CDK5RAP2: variants seen among roughly 807,000 people sequenced by gnomAD.
CDK5RAP2 encodes the protein CDK5 regulatory subunit-associated protein 2.
In CDK5RAP2, 147 loss-of-function variants were observed where a neutral mutation model predicts 232.9. The ratio of observed to expected loss-of-function variants is 0.63; its 90% confidence interval spans 0.55 to 0.72. The LOEUF is 0.72. Among genes scored for constraint, CDK5RAP2 ranks in the 30% least tolerant of loss-of-function variants. The pLI, the probability that CDK5RAP2 is intolerant of heterozygous loss-of-function variation, is 0.00. For synonymous variants in CDK5RAP2, 833 were observed against 833.7 expected (o/e 1.00, Z 0.01); for missense variants, 2,195 against 2,231.5 (o/e 0.98, Z 0.33).
intron 12 of CDK5RAP2, among the ~76,000 whole-genome samples, chr9:120,516,351 C>T (rs1215106499): frequency 8.1e-6 from 1 of 123,556 alleles, no homozygotes; most frequent in Non-Finnish European, 1.6e-5. Flanking sequence ...GAACATCACA[C>T]TCCGGGGACT....
At chr9:120,397,960 T>C (rs1033512368) in intron 35 of CDK5RAP2, among the ~76,000 whole-genome samples, 4 of 152,146 alleles carry the variant, frequency 2.6e-5, no homozygotes, top group African/African-American at 4.8e-5. Context: ...TAGGGTTCTC[T>C]CCCTCTTTCC....
chr9:120,435,454 A>G (rs1397141667), intron 25 of CDK5RAP2, among the ~76,000 whole-genome samples: 3 of 145,856 alleles, frequency 2.1e-5, no homozygotes, highest in African/African-American at 7.7e-5. Flanking sequence ...TTTTTTTAAA[A>G]AATAAATTAC....
intron 26 of CDK5RAP2, among the ~76,000 whole-genome samples, chr9:120,420,611 GA>G (rs2034509879): frequency 6.6e-6 from 1 of 151,956 alleles, no homozygotes; most frequent in Non-Finnish European, 1.5e-5. Flanking sequence ...AAAATGCTGT[GA>G]AAAGCCCACA....
chr9:120,451,299 T>C (rs188615977), intron 21 of CDK5RAP2, among the ~76,000 whole-genome samples: 18 of 152,318 alleles, frequency 1.2e-4, no homozygotes, highest in African/African-American at 3.6e-4. Flanking sequence ...GCTCCTACCA[T>C]GTACAAGGTA....
chr9:120,437,608 C>CAATTTTTA (rs1564214380), intron 24 of CDK5RAP2, 81 bp from the exon 25 acceptor site: 1 of 1,026,758 alleles, frequency 9.7e-7, no homozygotes, highest in Non-Finnish European at 1.5e-6. Context: ...GGAAAAATGA[C>CAATTTTTA]AGAGTACAAT....
At chr9:120,458,663 G>C (rs768836212) in intron 19 of CDK5RAP2, 41 bp from the exon 20 acceptor site, 1 of 1,580,394 alleles carries the variant, frequency 6.3e-7, no homozygotes, top group East Asian at 2.2e-5. Flanking sequence ...GAATAAGGAG[G>C]AAGGGAATGG....
At position 120,496,784 on chromosome 9, in the gene CDK5RAP2, T is replaced by TG. The variant is rs1172574172; in HGVS notation, c.1312-5308dup. Among the ~76,000 whole-genome samples the TG allele has an allele frequency of 3.2e-3, 157 of 48,334 alleles. 1 individual carries two copies. Among genetic ancestry groups the TG allele is most frequent in the Admixed American group, 5.3e-3 (23 of 4,366 alleles). The allele number at this position is 48,334 out of a possible 152,430, so 31.7% of individuals were successfully genotyped here. On this transcript the variant is annotated intron_variant, in intron 12 of 37. Coordinates refer to ENST00000349780, the MANE Select transcript of CDK5RAP2 (RefSeq NM_018249.6). ...CCAGCCGCCCCGTCCAGGAGGGAGG[T>TG]GGGGGGGGTCAGCCCCCCTGCCCGG...
At position 120,467,791 on chromosome 9, in the gene CDK5RAP2, G is replaced by GT; in HGVS notation, c.2106+68dup. The GT allele has an allele frequency of 2.6e-6, 4 of 1,550,242 alleles. No individual in the cohort carries two copies. In the South Asian group the frequency reaches 4.4e-5, roughly 17 times the overall value. ...CTCCCAAAGTGCTGGGATTACAGGCGTGAGCCACCATACCAAGCCGGTTGT... is the reference window on the plus strand; with the variant it reads ...CTCCCAAAGTGCTGGGATTACAGGCGTTGAGCCACCATACCAAGCCGGTTGT... On this transcript the variant is annotated intron_variant, in intron 18 of 37. Transcript: ENST00000349780.
rs2036904980 is a variant in CDK5RAP2 at position 120,458,443 on chromosome 9, T to C, written c.2375+7A>G. Reference sequence around the variant, plus strand: ...GAAACAAAGGAATGCCTGGGCCCCATGTATACCTGGATTCCAGTAATAATG... The same window carrying C: ...GAAACAAAGGAATGCCTGGGCCCCACGTATACCTGGATTCCAGTAATAATG... On this transcript the variant is annotated splice_region_variant and intron_variant, in intron 20 of 37. Transcript: ENST00000349780. 1.9e-6 allele frequency: 3 copies of C among 1,613,906 alleles called. No individual in the cohort carries two copies. Among genetic ancestry groups the C allele is most frequent in the Non-Finnish European group, 2.5e-6 (3 of 1,179,798 alleles).
chr9:120,443,572 G>A (rs1327471719), intron 23 of CDK5RAP2, 48 bp downstream of exon 23: 1 of 1,603,332 alleles, frequency 6.2e-7, no homozygotes, highest in Non-Finnish European at 8.5e-7. Context: ...TCCAAATGGT[G>A]CCTGGCACAT....
chr9:120,404,027 G>A lies in CDK5RAP2; in HGVS notation c.5041+9C>T, dbSNP rs775268672. ...TGCTCCCACAGTTACCTGGACTTCAGCTTTGTACCTGATTTTGGTGTCACT... is the reference window on the plus strand; with the variant it reads ...TGCTCCCACAGTTACCTGGACTTCAACTTTGTACCTGATTTTGGTGTCACT... On this transcript the variant is annotated intron_variant, in intron 33 of 37. Coordinates refer to ENST00000349780, the MANE Select transcript of CDK5RAP2 (RefSeq NM_018249.6). 6.3e-7 allele frequency: 1 copy of A among 1,594,438 alleles called. No homozygotes were observed. The highest frequency in any genetic ancestry group is 2.2e-5 in the East Asian group (1 of 44,792).
At chr9:120,462,042 T>C (rs1245983473) in intron 18 of CDK5RAP2, among the ~76,000 whole-genome samples, 2 of 152,192 alleles carry the variant, frequency 1.3e-5, no homozygotes, top group Admixed American at 1.3e-4. Context: ...AACAACCTTG[T>C]TGTGGAAGAA....
Position 120,502,659 on chromosome 9 carries a change from C to T in CDK5RAP2, c.1312-11182G>A, listed in dbSNP as rs561420373. Among the ~76,000 whole-genome samples, 5 of 152,274 alleles carry T rather than the reference C, an allele frequency of 3.3e-5. No homozygotes were observed. In the South Asian group the frequency reaches 1.0e-3, roughly 32 times the overall value. ...ACAAAGGACATGTAGTTTTGTCATT[C>T]CCCAAGATTTGTAGTTTTGTCATTC... is the stretch of plus-strand genomic sequence containing the variant. On this transcript the variant is annotated intron_variant, in intron 12 of 37. Transcript: ENST00000349780.
intron 3 of CDK5RAP2, among the ~76,000 whole-genome samples, chr9:120,554,591 T>C (rs2042156335): frequency 6.6e-6 from 1 of 152,172 alleles, no homozygotes; most frequent in South Asian, 2.1e-4. Flanking sequence ...GAGAAGAAAA[T>C]AAATGAATTT....
rs776670891 is a variant in CDK5RAP2 at position 120,458,558 on chromosome 9, A to G, written c.2267T>C (p.Ile756Thr). The G allele has an allele frequency of 1.9e-6, 3 of 1,614,154 alleles. No individual in the cohort carries two copies. Among genetic ancestry groups the G allele is most frequent in the Non-Finnish European group, 2.5e-6 (3 of 1,180,016 alleles). ...NGYLRHTESKISDCDGAHAPG... is the reference protein window; with the variant it reads ...NGYLRHTESKTSDCDGAHAPG... ...TGCGTGGGCCCCATCACAATCTGAA[A>G]TCTTAGACTCCGTGTGCCTTAAGTA... The change falls in exon 20 of 38, where the codon ATT (isoleucine) becomes ACT (threonine). Residue 756 changes from isoleucine to threonine, a missense_variant. Physicochemically the swap from Ile to Thr is moderately conservative, Grantham distance 89. Coordinates refer to ENST00000349780, the MANE Select transcript of CDK5RAP2 (RefSeq NM_018249.6).
chr9:120,398,294 G>A (rs1365266408), intron 35 of CDK5RAP2, among the ~76,000 whole-genome samples: 1 of 151,972 alleles, frequency 6.6e-6, no homozygotes. Context: ...TTTCCTTACA[G>A]TAAAAAATCA....
intron 24 of CDK5RAP2, 65 bp downstream of exon 24, chr9:120,439,334 C>T: frequency 7.5e-7 from 1 of 1,331,726 alleles, no homozygotes. Context: ...CTCATGGGCT[C>T]CCACCTAGTG....
chr9:120,527,519 G>GAC (rs2040958288), intron 10 of CDK5RAP2, among the ~76,000 whole-genome samples: 1 of 150,756 alleles, frequency 6.6e-6, no homozygotes, highest in Admixed American at 6.6e-5. Flanking sequence ...TTTGGGGGGG[G>GAC]ATATATATAT....
In CDK5RAP2 at chr9:120,403,999, C is replaced by G; in HGVS notation, c.5041+37G>C. On this transcript the variant is annotated intron_variant, in intron 33 of 37. Coordinates refer to ENST00000349780, the MANE Select transcript of CDK5RAP2 (RefSeq NM_018249.6). The surrounding 1 kb of genome is among the most constrained non-coding windows in gnomAD (Gnocchi z 4.2). ...AGTTAAAAAGTCTTACTGTCACATCCAATGCTCCCACAGTTACCTGGACTT... is the reference window on the plus strand; with the variant it reads ...AGTTAAAAAGTCTTACTGTCACATCGAATGCTCCCACAGTTACCTGGACTT... The G allele has an allele frequency of 7.1e-7, 1 of 1,411,154 alleles. No homozygotes were observed. The highest frequency in any genetic ancestry group is 1.0e-6 in the Non-Finnish European group (1 of 995,156). 87.4% of individuals were successfully genotyped at this position (1,411,154 alleles called of 1,614,324 possible).
Sources: allele counts gnomAD v4.1 joint callset (sites outside exome capture counted in the v4.1 genomes callset), GRCh38; gene constraint gnomAD v4.1.1; non-coding constraint Gnocchi (gnomAD v3.1); transcripts MANE v1.5; gene names NCBI Gene and HGNC (gene_info 2026-07-23, HGNC 2026-07-21).